The following FMN1 variants were observed in gnomAD, a reference collection of about 807,000 sequenced individuals.
FMN1 encodes formin 1.
FMN1 carries 110 observed loss-of-function variants against 132.4 expected under a neutral mutation model. The ratio of observed to expected loss-of-function variants is 0.83; its 90% CI spans 0.71 to 0.97. FMN1 has a LOEUF of 0.97. Ranked by LOEUF, FMN1 falls within the 50% of genes least tolerant of loss-of-function variation. The probability of loss-of-function intolerance (pLI) is 0.00; values close to 1 mark genes in which losing one functional copy is unlikely to be tolerated. For synonymous variants in FMN1, 722 were observed against 651.7 expected (o/e 1.11, Z -1.64); for missense variants, 1,792 against 1,705.3 (o/e 1.05, Z -0.90).
chr15:32,854,457 C>A (rs867306182), intron 17 of FMN1, among the ~76,000 whole-genome samples: 42 of 152,172 alleles, frequency 2.8e-4, no homozygotes, highest in African/African-American at 9.7e-4. Flanking sequence ...ATATTCTTAA[C>A]TTTTTTAATA....
chr15:32,798,664 A>G lies in FMN1; in HGVS notation c.4130+140T>C, dbSNP rs2057374212. 4 of 705,002 alleles carry G rather than the reference A, an allele frequency of 5.7e-6. No homozygotes were observed. In the South Asian group the frequency reaches 9.4e-5, roughly 17 times the overall value. 43.7% of individuals were successfully genotyped at this position (705,002 alleles called of 1,614,324 possible). On this transcript the variant is annotated intron_variant, in intron 19 of 20. Coordinates refer to ENST00000616417, the MANE Select transcript of FMN1 (RefSeq NM_001277313.2). ...TCCCCGAATTTCCCTACGATCCCTG[A>G]GGCAAAAAGTCCTTCCCCTATGACC...
intron 4 of FMN1, among the ~76,000 whole-genome samples, chr15:33,121,083 G>A (rs889827342): frequency 6.6e-6 from 1 of 152,008 alleles, no homozygotes; most frequent in Non-Finnish European, 1.5e-5. Flanking sequence ...TGGGACAGAT[G>A]AAAGGTTGGC....
chr15:32,790,425 T>A (rs2057035079), intron 19 of FMN1, among the ~76,000 whole-genome samples: 1 of 152,230 alleles, frequency 6.6e-6, no homozygotes, highest in African/African-American at 2.4e-5. Context: ...AAGAGGATGG[T>A]GAAGCCAAGG....
chr15:32,886,225 G>C (rs1371981384), intron 16 of FMN1, among the ~76,000 whole-genome samples: 1 of 152,174 alleles, frequency 6.6e-6, no homozygotes, highest in African/African-American at 2.4e-5. Flanking sequence ...AAGATTAGCA[G>C]GGCATTTTTG....
At chr15:33,006,275 C>A (rs2140936148) in intron 7 of FMN1, among the ~76,000 whole-genome samples, 1 of 151,982 alleles carries the variant, frequency 6.6e-6, no homozygotes, top group South Asian at 2.1e-4. Context: ...AAGGGTCAAC[C>A]AATATATGAA....
chr15:33,136,412 C>A (rs890410962), intron 4 of FMN1, among the ~76,000 whole-genome samples: 1 of 152,194 alleles, frequency 6.6e-6, no homozygotes, highest in African/African-American at 2.4e-5. Context: ...GACGTATAAC[C>A]ATAAACACAG....
intron 6 of FMN1, chr15:33,011,987 A>C (rs1226329120): frequency 4.3e-6 from 1 of 231,036 alleles, no homozygotes; most frequent in African/African-American, 2.3e-5. Flanking sequence ...TTTCTAATAA[A>C]GTTAAAGATA....
intron 3 of FMN1, among the ~76,000 whole-genome samples, chr15:33,161,089 A>G (rs888815050): frequency 1.3e-5 from 2 of 152,220 alleles, no homozygotes; most frequent in Non-Finnish European, 2.9e-5. Flanking sequence ...GGCCAATGCA[A>G]AGCTTTCTTT....
intron 9 of FMN1, among the ~76,000 whole-genome samples, chr15:32,941,482 C>T (rs958489051): frequency 9.2e-5 from 14 of 152,316 alleles, no homozygotes; most frequent in East Asian, 5.8e-4. Context: ...ATAATGCACA[C>T]ATTTATAGCC....
At position 32,816,020 on chromosome 15, in the gene FMN1, A is replaced by C. The variant is rs140516093; in HGVS notation, c.3929-11688T>G. On this transcript the variant is annotated intron_variant, in intron 17 of 20. Transcript: ENST00000616417. ...GTAGTAATTAAAAGAGATGTTTGTA[A>C]GGTGCTCGGCCATGGCACCTGGCAC... Among the ~76,000 whole-genome samples the C allele has an allele frequency of 7.9e-4, 120 of 152,352 alleles. 1 individual carries two copies. The highest frequency in any genetic ancestry group is 2.7e-3 in the African/African-American group (113 of 41,578).
At chr15:32,961,581 C>G (rs2030558256) in intron 9 of FMN1, among the ~76,000 whole-genome samples, 1 of 152,036 alleles carries the variant, frequency 6.6e-6, no homozygotes, top group Non-Finnish European at 1.5e-5. Flanking sequence ...ACTAACCAAC[C>G]AAACAAAAAC....
intron 19 of FMN1, among the ~76,000 whole-genome samples, chr15:32,795,782 A>G (rs756664723): frequency 3.3e-5 from 5 of 152,180 alleles, no homozygotes; most frequent in African/African-American, 4.8e-5. Flanking sequence ...GCACGTCTAG[A>G]AAGTGGCGCT....
chr15:33,147,314 G>A (rs1964266893), intron 4 of FMN1, among the ~76,000 whole-genome samples: 1 of 152,194 alleles, frequency 6.6e-6, no homozygotes, highest in South Asian at 2.1e-4. Flanking sequence ...ACATGAGGCA[G>A]AGTGTTGAGT....
chr15:32,816,396 TAA>T (rs1340894894), intron 17 of FMN1, among the ~76,000 whole-genome samples: 2 of 152,216 alleles, frequency 1.3e-5, no homozygotes, highest in African/African-American at 2.4e-5. Context: ...ATTGAATCCA[TAA>T]AAGAGTCAGA....
At chr15:32,868,436 T>C (rs979266929) in intron 16 of FMN1, among the ~76,000 whole-genome samples, 4 of 152,186 alleles carry the variant, frequency 2.6e-5, no homozygotes, top group Non-Finnish European at 5.9e-5. Flanking sequence ...GGCTATACCA[T>C]CTAGCTTAGG....
At chr15:32,891,387 ACAGGCAC>A (rs1555487573) in intron 15 of FMN1, among the ~76,000 whole-genome samples, 1 of 152,180 alleles carries the variant, frequency 6.6e-6, no homozygotes, top group Non-Finnish European at 1.5e-5. Context: ...AGCTGGGACC[ACAGGCAC>A]CCGCCACCAC....
intron 17 of FMN1, among the ~76,000 whole-genome samples, chr15:32,838,078 C>A (rs2058667318): frequency 6.6e-6 from 1 of 152,072 alleles, no homozygotes; most frequent in South Asian, 2.1e-4. Flanking sequence ...GGATGAACAA[C>A]CACAATAAAA....
chr15:33,102,763 TTGAC>T (rs1436212209), intron 4 of FMN1, among the ~76,000 whole-genome samples: 4 of 152,272 alleles, frequency 2.6e-5, no homozygotes, highest in African/African-American at 7.2e-5. Flanking sequence ...TATGGAAACA[TTGAC>T]TGACATTGGT....
At chr15:33,046,045 G>T (rs343902) in intron 6 of FMN1, among the ~76,000 whole-genome samples, 108,101 of 151,970 alleles carry the variant, frequency 0.71, 38,933 homozygotes, top group Non-Finnish European at 0.76. Flanking sequence ...TGCTGAAATG[G>T]TATTAGCTAA....
Sources: allele counts gnomAD v4.1 joint callset (sites outside exome capture counted in the v4.1 genomes callset), GRCh38; gene constraint gnomAD v4.1.1; transcripts MANE v1.5; gene names NCBI Gene and HGNC (gene_info 2026-07-23, HGNC 2026-07-21).